USP31: variants seen among roughly 807,000 people sequenced by gnomAD.
USP31 encodes ubiquitin specific peptidase 31, also known as ubiquitin carboxyl-terminal hydrolase 31.
In USP31, 44 loss-of-function variants were observed where a neutral mutation model predicts 119.4. That is an observed-to-expected ratio of 0.37 (90% CI 0.29 to 0.47). The LOEUF (loss-of-function observed/expected upper bound fraction) is 0.47, where lower values mean the gene tolerates loss of function less well. Among genes scored for constraint, USP31 ranks in the 20% least tolerant of loss-of-function variants. USP31 has a pLI of 0.99. For missense variants in USP31, 1,643 were observed against 1,730.2 expected (o/e 0.95, Z 0.89); for synonymous variants, 749 against 705.6 (o/e 1.06, Z -0.97).
chr16:23,109,991 G>GA (rs1902253454), intron 1 of USP31, among the ~76,000 whole-genome samples: 3 of 152,108 alleles, frequency 2.0e-5, no homozygotes, highest in Admixed American at 2.0e-4. Flanking sequence ...GCCTGGAACA[G>GA]AAAAAACGCA....
At chr16:23,082,328 A>T in intron 12 of USP31, 110 bp downstream of exon 12, 1 of 1,412,370 alleles carries the variant, frequency 7.1e-7, no homozygotes, top group Non-Finnish European at 9.8e-7. Flanking sequence ...CACAGACAGG[A>T]CTCACTGGAT....
chr16:23,117,475 T>G (rs969626692), intron 1 of USP31, among the ~76,000 whole-genome samples: 3 of 152,210 alleles, frequency 2.0e-5, no homozygotes, highest in Non-Finnish European at 4.4e-5. Context: ...TATAACTGAC[T>G]CGTGAAACCA....
At chr16:23,124,937 G>A (rs1047436592) in intron 1 of USP31, among the ~76,000 whole-genome samples, 7 of 152,070 alleles carry the variant, frequency 4.6e-5, no homozygotes, top group Non-Finnish European at 1.0e-4. Context: ...CGCATCAAAG[G>A]CAAGCTATAA....
Position 23,066,505 on chromosome 16 carries a change from T to C in USP31, c.*1541A>G, listed in dbSNP as rs573488983. On this transcript the variant is annotated 3_prime_UTR_variant, in exon 16 of 16. Coordinates refer to ENST00000219689, the MANE Select transcript of USP31 (RefSeq NM_020718.4). ...ACAGCAATACTGAAAAGGGAGGTTA[T>C]ATATGGATCTGTGCACCAAGGGTTC... 6.6e-6 allele frequency: 1 copy of C among 152,298 alleles called. No homozygotes were observed. The highest frequency in any genetic ancestry group is 2.4e-5 in the African/African-American group (1 of 41,552). 9.4% of individuals were successfully genotyped at this position (152,298 alleles called of 1,614,324 possible).
rs1903648269 is a variant in USP31 at position 23,149,299 on chromosome 16, GCCCGCCCGCCCGGCCCGCGGC to G, written c.-50_-30del. On this transcript the variant is annotated 5_prime_UTR_variant, in exon 1 of 16. Transcript: ENST00000219689. ...GGCGGCCGCAGACACTCATCACCGC[GCCCGCCCGCCCGGCCCGCGGC>G]CCCGCCACGGCCGCCGCCGCATCCC... The G allele has an allele frequency of 4.8e-6, 5 of 1,039,192 alleles. No individual in the cohort carries two copies. The highest frequency in any genetic ancestry group is 4.6e-6 in the Non-Finnish European group (4 of 866,368). 64.4% of individuals were successfully genotyped at this position (1,039,192 alleles called of 1,614,324 possible).
At position 23,108,127 on chromosome 16, in the gene USP31, C is replaced by T; in HGVS notation, c.690G>A (p.Gln230=). The change falls in exon 2 of 16, where the codon CAG becomes CAA. Residue 230 remains glutamine (Q), a synonymous_variant. Transcript: ENST00000219689. ...QYRGNSQHDA[Q]EFLLWLLDRV... is the part of the protein sequence containing the mutation. ...GGTCCAAAAGCCACAGCAGAAACTC[C>T]TGGGCATCATGTTGGGAATTTCCCC... The T allele has an allele frequency of 1.9e-6, 3 of 1,614,032 alleles. No homozygotes were observed. The highest frequency in any genetic ancestry group is 2.5e-6 in the Non-Finnish European group (3 of 1,179,960).
chr16:23,082,777 G>A (rs1210217422), intron 11 of USP31, among the ~76,000 whole-genome samples: 1 of 151,538 alleles, frequency 6.6e-6, no homozygotes, highest in African/African-American at 2.4e-5. Context: ...AAAGAGGAAC[G>A]ACTAAATCGG....
At chr16:23,115,818 TA>T in intron 1 of USP31, 5 of 979,738 alleles carry the variant, frequency 5.1e-6, no homozygotes, top group Non-Finnish European at 6.0e-6. Context: ...AGAATGTTTT[TA>T]TTTTTTTCCC....
At chr16:23,087,861 C>T (rs752886545) in intron 7 of USP31, 26 bp from the exon 8 acceptor site, 8 of 1,580,202 alleles carry the variant, frequency 5.1e-6, no homozygotes, top group Non-Finnish European at 6.9e-6. Context: ...AATGTAATCA[C>T]CTTTAAAGTA....
intron 6 of USP31, among the ~76,000 whole-genome samples, chr16:23,096,823 C>T (rs1375452980): frequency 2.0e-5 from 3 of 152,212 alleles, no homozygotes; most frequent in African/African-American, 7.2e-5. Flanking sequence ...ACCAGAATCT[C>T]TGGGACACAT....
chr16:23,083,837 A>T (rs867174110), intron 11 of USP31, among the ~76,000 whole-genome samples: 3 of 152,140 alleles, frequency 2.0e-5, no homozygotes, highest in Non-Finnish European at 4.4e-5. Flanking sequence ...CGAACAACAG[A>T]CAAAAATAAT....
Position 23,084,998 on chromosome 16 carries a change from AG to A in USP31, c.1701-10del. On this transcript the variant is annotated splice_polypyrimidine_tract_variant and intron_variant, in intron 10 of 15. Transcript: ENST00000219689. ...CAGTATTTACAAATAAGCTGCAATT[AG>A]GGGGAAAAGCATCTATCAGGGAATG... 1 of 1,613,572 alleles carries A rather than the reference AG, an allele frequency of 6.2e-7. No individual in the cohort carries two copies. Among genetic ancestry groups the A allele is most frequent in the Non-Finnish European group, 8.5e-7 (1 of 1,179,726 alleles).
At chr16:23,075,321 G>C (rs1900521114) in intron 13 of USP31, among the ~76,000 whole-genome samples, 1 of 152,184 alleles carries the variant, frequency 6.6e-6, no homozygotes, top group Non-Finnish European at 1.5e-5. Flanking sequence ...AGAGCTGTGA[G>C]GGACATGCCC....
intron 14 of USP31, 148 bp downstream of exon 14, chr16:23,073,574 T>C (rs1900432357): frequency 9.5e-7 from 1 of 1,051,554 alleles, no homozygotes; most frequent in Admixed American, 2.9e-5. Flanking sequence ...TTGACTGCAG[T>C]CATTTTAGTT....
At chr16:23,102,488 G>A (rs752366067) in intron 5 of USP31, 25 bp from the exon 6 acceptor site, 4 of 1,592,570 alleles carry the variant, frequency 2.5e-6, no homozygotes, top group Non-Finnish European at 3.4e-6. Flanking sequence ...AATGTAAACA[G>A]GTGGGTAACT....
chr16:23,135,971 T>C lies in USP31; in HGVS notation c.633+12667A>G, dbSNP rs527528368. Among the ~76,000 whole-genome samples the C allele has an allele frequency of 2.0e-5, 3 of 152,292 alleles. 1 individual carries two copies. The Middle Eastern group carries it at 0.01, about 518-fold the overall frequency. ...AGCAATGAGAACAGTGGGGTAAAGA[T>C]ACATAAAGATAATGCCTAATAAAAA... On this transcript the variant is annotated intron_variant, in intron 1 of 15. Coordinates refer to ENST00000219689, the MANE Select transcript of USP31 (RefSeq NM_020718.4).
intron 7 of USP31, 40 bp downstream of exon 7, chr16:23,090,584 T>TA: frequency 6.6e-7 from 1 of 1,522,326 alleles, no homozygotes; most frequent in Non-Finnish European, 8.9e-7. Context: ...ACTGAACTGT[T>TA]ACAGTCTAGG....
At chr16:23,079,179 C>T (rs997010644) in intron 13 of USP31, 1 of 152,084 alleles carries the variant, frequency 6.6e-6, no homozygotes, top group Admixed American at 6.5e-5. Flanking sequence ...CTTAATGTCA[C>T]TGAACTGTAC....
intron 13 of USP31, among the ~76,000 whole-genome samples, chr16:23,077,496 G>A (rs1005950860): frequency 6.6e-6 from 1 of 152,150 alleles, no homozygotes; most frequent in African/African-American, 2.4e-5. Flanking sequence ...CTTGGCTGAT[G>A]GGGAGGGAGG....
Sources: allele counts gnomAD v4.1 joint callset (sites outside exome capture counted in the v4.1 genomes callset), GRCh38; gene constraint gnomAD v4.1.1; transcripts MANE v1.5; gene names NCBI Gene and HGNC (gene_info 2026-07-23, HGNC 2026-07-21).